Variants in XPO6 observed in about 807,000 individuals in gnomAD.
The protein encoded by XPO6 is exportin 6, also known as exportin-6.
Under a neutral mutation model 130.0 loss-of-function variants are expected in XPO6, and 3 were observed. The observed-to-expected ratio is 0.02, with a 90% confidence interval of 0.01 to 0.06. The LOEUF (loss-of-function observed/expected upper bound fraction) is 0.06. XPO6 is among the 10% of genes least tolerant of loss of function. XPO6 has a pLI of 1.00. For synonymous variants in XPO6, 524 were observed against 548.9 expected, an observed-to-expected ratio of 0.95 and a Z score of 0.63; for missense variants, 970 against 1,393.0, an observed-to-expected ratio of 0.70 and a Z score of 4.83.
At chr16:28,209,972 A>G (rs929401931) in intron 1 of XPO6, among the ~76,000 whole-genome samples, 3 of 151,834 alleles carry the variant, frequency 2.0e-5, no homozygotes, top group Admixed American at 1.3e-4. Flanking sequence ...CCTCATCTCC[A>G]CAAAAAATTA....
In XPO6 at chr16:28,098,499, G is replaced by T; in HGVS notation, c.*39C>A. 6.4e-7 allele frequency: 1 copy of T among 1,554,776 alleles called. No homozygotes were observed. Among genetic ancestry groups the T allele is most frequent in the South Asian group, 1.1e-5 (1 of 87,336 alleles). ...GGTGGAAGGTAGGGCTGGCGCAGGTGGCAGCAGCAGAAGTCCGTGTCCCCA... is the reference window on the plus strand; with the variant it reads ...GGTGGAAGGTAGGGCTGGCGCAGGTTGCAGCAGCAGAAGTCCGTGTCCCCA... On this transcript the variant is annotated 3_prime_UTR_variant, in exon 24 of 24. Transcript: ENST00000304658.
chr16:28,112,100 A>G, intron 16 of XPO6, 94 bp from the exon 17 acceptor site: 1 of 1,408,390 alleles, frequency 7.1e-7, no homozygotes. Flanking sequence ...CTGGCTGCAC[A>G]CCTGGAACCC....
Position 28,125,722 on chromosome 16 carries a change from G to A in XPO6, c.1733C>T (p.Ala578Val). 6.2e-7 allele frequency: 1 copy of A among 1,614,198 alleles called. No homozygotes were observed. Among genetic ancestry groups the A allele is most frequent in the East Asian group, 2.2e-5 (1 of 44,884 alleles). ...GACTGTGAGGGCATCATTGAACCGT[G>A]CAGCAAACACATCCCCGATAAAGTA... ...AEYFIGDVFA[A>V]RFNDALTVVE... is the part of the protein sequence containing the mutation. Residue 578 changes from alanine to valine, a missense_variant, in exon 13 of 24, where the codon GCA becomes GTA. Ala to Val is a moderately conservative substitution (Grantham distance 64). Coordinates refer to ENST00000304658, the MANE Select transcript of XPO6 (RefSeq NM_015171.4).
chr16:28,186,527 C>T (rs1042941886), intron 1 of XPO6, among the ~76,000 whole-genome samples: 2 of 151,894 alleles, frequency 1.3e-5, no homozygotes, highest in Admixed American at 6.6e-5. Flanking sequence ...CATGCCACCA[C>T]ATCTGGCTTT....
At chr16:28,184,550 T>C (rs765902707) in intron 1 of XPO6, among the ~76,000 whole-genome samples, 23 of 147,418 alleles carry the variant, frequency 1.6e-4, no homozygotes, top group Non-Finnish European at 3.0e-4. Context: ...ATCTGCAATA[T>C]GGAAACAGGG....
Position 28,101,810 on chromosome 16 carries a change from C to G in XPO6, c.3045+37G>C. On this transcript the variant is annotated intron_variant, in intron 22 of 23. Transcript: ENST00000304658. This position sits in a 1 kb window ranked among gnomAD's most constrained non-coding sequence, Gnocchi z 5.4. ...GGGTGGGACACAGGCCACAATGCCCCTGATGGAAGAATATTTCCAAGAGCT... is the reference window on the plus strand; with the variant it reads ...GGGTGGGACACAGGCCACAATGCCCGTGATGGAAGAATATTTCCAAGAGCT... 6.2e-7 allele frequency: 1 copy of G among 1,607,690 alleles called. No individual in the cohort carries two copies.
At chr16:28,104,755 C>T (rs555866548) in intron 20 of XPO6, 48 bp from the exon 21 acceptor site, 16 of 1,602,550 alleles carry the variant, frequency 1.0e-5, no homozygotes, top group Admixed American at 6.7e-5. Flanking sequence ...GGAGCTGCTC[C>T]GGCCTGGGCC....
At chr16:28,117,288 T>C (rs368532815) in intron 15 of XPO6, 30 bp downstream of exon 15, 32 of 1,611,832 alleles carry the variant, frequency 2.0e-5, no homozygotes, top group Non-Finnish European at 2.7e-5. Flanking sequence ...GAGAGTTAGA[T>C]AAAAGGTGTA....
intron 11 of XPO6, among the ~76,000 whole-genome samples, chr16:28,133,177 A>G (rs1035273395): frequency 6.6e-6 from 1 of 152,168 alleles, no homozygotes; most frequent in Non-Finnish European, 1.5e-5. Flanking sequence ...CTCCACTAAA[A>G]ATACAAAAAG....
chr16:28,108,198 A>G (rs2086828696), intron 17 of XPO6, among the ~76,000 whole-genome samples: 1 of 152,182 alleles, frequency 6.6e-6, no homozygotes, highest in Non-Finnish European at 1.5e-5. Flanking sequence ...GCTGGCTGCA[A>G]GAACAACCTG....
Position 28,116,479 on chromosome 16 carries a change from C to CAA in XPO6, c.2004+837_2004+838dup, listed in dbSNP as rs771991055. Among the ~76,000 whole-genome samples, 753 of 94,954 alleles carry CAA rather than the reference C, an allele frequency of 7.9e-3. 7 individuals carry two copies. Among genetic ancestry groups the CAA allele is most frequent in the African/African-American group, 0.026 (724 of 27,676 alleles). 62.3% of individuals were successfully genotyped at this position (94,954 alleles called of 152,430 possible). On this transcript the variant is annotated intron_variant, in intron 15 of 23. Transcript: ENST00000304658. ...TCCATCTCAACAACAACAAAAACGA[C>CAA]AAAAAAAAAAAAAAAAGAGCCTTTG...
At chr16:28,152,927 T>G in intron 7 of XPO6, 142 bp from the exon 8 acceptor site, 3 of 1,366,532 alleles carry the variant, frequency 2.2e-6, no homozygotes, top group Non-Finnish European at 2.8e-6. Flanking sequence ...CTGCAACAAT[T>G]ACCTACAGGA....
chr16:28,201,872 A>C (rs902420438), intron 1 of XPO6, among the ~76,000 whole-genome samples: 1 of 152,204 alleles, frequency 6.6e-6, no homozygotes, highest in African/African-American at 2.4e-5. Flanking sequence ...AATAATAATA[A>C]TAATAATGTA....
Position 28,170,048 on chromosome 16 carries a change from A to G in XPO6, c.406-139T>C, listed in dbSNP as rs1012390075. 2.5e-6 allele frequency: 3 copies of G among 1,184,572 alleles called. No homozygotes were observed. The Admixed American group carries it at 8.0e-5, about 31-fold the overall frequency. The allele number at this position is 1,184,572 out of a possible 1,614,324, so 73.4% of individuals were successfully genotyped here. On this transcript the variant is annotated intron_variant, in intron 4 of 23. Transcript: ENST00000304658. The stretch of plus-strand genomic sequence containing the variant: ...AATCAACACTTCAGAAACATCACTT[A>G]GAGGCCAGCTCCAATGGCTCACGCC...
intron 1 of XPO6, among the ~76,000 whole-genome samples, chr16:28,183,622 A>G (rs2043651242): frequency 6.6e-6 from 1 of 152,206 alleles, no homozygotes; most frequent in South Asian, 2.1e-4. Context: ...ATGAGATCCA[A>G]TCAGGCGATC....
chr16:28,156,192 T>A lies in XPO6; in HGVS notation c.979A>T (p.Met327Leu). The change falls in exon 7 of 24, where the codon ATG (methionine) becomes TTG (leucine). Residue 327 changes from methionine (M) to leucine (L), a missense_variant. Met to Leu is a conservative substitution (Grantham distance 15). Coordinates refer to ENST00000304658, the MANE Select transcript of XPO6 (RefSeq NM_015171.4). ...CGCAGTAAATACTCCTCAAATTCCATAGGCACACAGTTCTTGGACATGAGT... is the reference window on the plus strand; with the variant it reads ...CGCAGTAAATACTCCTCAAATTCCAAAGGCACACAGTTCTTGGACATGAGT... The part of the protein sequence containing the change: ...NELMSKNCVP[M>L]EFEEYLLRMF... 6.2e-7 allele frequency: 1 copy of A among 1,614,096 alleles called. No homozygotes were observed. The highest frequency in any genetic ancestry group is 1.1e-5 in the South Asian group (1 of 91,082).
At chr16:28,156,938 A>T (rs1207768248) in intron 6 of XPO6, among the ~76,000 whole-genome samples, 1 of 152,200 alleles carries the variant, frequency 6.6e-6, no homozygotes, top group Non-Finnish European at 1.5e-5. Context: ...TTGCTTTTGA[A>T]AAGCATGATA....
At chr16:28,199,274 ATCAC>A (rs1307917368) in intron 1 of XPO6, among the ~76,000 whole-genome samples, 1 of 152,218 alleles carries the variant, frequency 6.6e-6, no homozygotes, top group Non-Finnish European at 1.5e-5. Context: ...TCCTTGATAG[ATCAC>A]TCAATTTATC....
At chr16:28,113,105 G>C (rs762923595) in intron 15 of XPO6, 55 bp from the exon 16 acceptor site, 74 of 1,571,370 alleles carry the variant, frequency 4.7e-5, no homozygotes, top group Non-Finnish European at 6.3e-5. Context: ...ACTGGGATTC[G>C]AACTTTGCTG....
Sources: allele counts gnomAD v4.1 joint callset (sites outside exome capture counted in the v4.1 genomes callset), GRCh38; gene constraint gnomAD v4.1.1; non-coding constraint Gnocchi (gnomAD v3.1); transcripts MANE v1.5; gene names NCBI Gene and HGNC (gene_info 2026-07-23, HGNC 2026-07-21).